The following MYH13 variants were observed in gnomAD, a reference collection of about 807,000 sequenced individuals.
MYH13 encodes the protein myosin heavy chain 13, also known as myosin-13.
MYH13 carries 177 observed loss-of-function variants against 232.1 expected under a neutral mutation model. That is an observed-to-expected ratio of 0.76 (90% CI 0.67 to 0.86). The LOEUF is 0.86. Ranked by LOEUF, MYH13 falls within the 40% of genes least tolerant of loss-of-function variation. The pLI is 0.00. For synonymous variants in MYH13, 884 were observed against 923.5 expected, an observed-to-expected ratio of 0.96 and a Z score of 0.78; for missense variants, 2,246 against 2,405.9, an observed-to-expected ratio of 0.93 and a Z score of 1.39.
intron 2 of MYH13, among the ~76,000 whole-genome samples, chr17:10,366,021 C>T (rs1031284059): frequency 3.3e-5 from 5 of 151,782 alleles, no homozygotes; most frequent in Non-Finnish European, 7.4e-5. Flanking sequence ...ATGTATTGTC[C>T]CTGCTTAGAA....
chr17:10,342,865 T>C (rs952383782), intron 16 of MYH13, among the ~76,000 whole-genome samples: 2 of 151,610 alleles, frequency 1.3e-5, no homozygotes, highest in Admixed American at 1.3e-4. Context: ...TCGAGGCGGG[T>C]GGATCACAAG....
At position 10,306,267 on chromosome 17, in the gene MYH13, TG is replaced by T. The variant is rs1906282511; in HGVS notation, c.5466+191del. On this transcript the variant is annotated intron_variant, in intron 37 of 40. Coordinates refer to ENST00000252172, the MANE Select transcript of MYH13 (RefSeq NM_003802.3). This position sits in a 1 kb window ranked among gnomAD's most constrained non-coding sequence, Gnocchi z 4.3. Reference sequence around the variant, plus strand: ...GTGTGTGTGTGTGTGTGTGTGTGTGTGTTTTGGGGCATAGGAACAGGTGAAA... The same window carrying T: ...GTGTGTGTGTGTGTGTGTGTGTGTGTTTTTGGGGCATAGGAACAGGTGAAA... Among the ~76,000 whole-genome samples, 1 of 142,798 alleles carries T rather than the reference TG, an allele frequency of 7.0e-6. No individual in the cohort carries two copies. Among genetic ancestry groups the T allele is most frequent in the Non-Finnish European group, 1.5e-5 (1 of 65,324 alleles). 93.7% of individuals were successfully genotyped at this position (142,798 alleles called of 152,430 possible).
chr17:10,329,232 AG>A (rs1907329588), intron 21 of MYH13, among the ~76,000 whole-genome samples: 1 of 152,196 alleles, frequency 6.6e-6, no homozygotes, highest in Non-Finnish European at 1.5e-5. Context: ...ACAGGGGATC[AG>A]GGAACCAGGG....
chr17:10,311,931 C>T lies in MYH13; in HGVS notation c.4511G>A (p.Arg1504Gln), dbSNP rs767062297. The T allele has an allele frequency of 2.5e-5, 40 of 1,613,898 alleles. No homozygotes were observed. Among genetic ancestry groups the T allele is most frequent in the African/African-American group, 2.1e-4 (16 of 75,014 alleles). Residue 1504 changes from arginine to glutamine, a missense_variant, in exon 32 of 41, where the codon CGA becomes CAA. Transcript: ENST00000252172. ...CTCACCTTGCAGATTTTTGTTCTCTCGCCTCAGTGTCTCTAACTGGTCCAC... is the reference window on the plus strand; with the variant it reads ...CTCACCTTGCAGATTTTTGTTCTCTTGCCTCAGTGTCTCTAACTGGTCCAC... ...EVVDQLETLRRENKNLQEEIS... is the reference protein window; with the variant it reads ...EVVDQLETLRQENKNLQEEIS...
At chr17:10,371,880 C>T (rs999979556) in intron 1 of MYH13, among the ~76,000 whole-genome samples, 2 of 152,120 alleles carry the variant, frequency 1.3e-5, no homozygotes, top group African/African-American at 4.8e-5. Flanking sequence ...TGAAAAGTCA[C>T]CTGGGACTAA....
In MYH13 at chr17:10,354,907, GCTT is replaced by G; in HGVS notation, c.886_888del (p.Lys296del). 2 of 1,600,276 alleles carry G rather than the reference GCTT, an allele frequency of 1.2e-6. No individual in the cohort carries two copies. Among genetic ancestry groups the G allele is most frequent in the Non-Finnish European group, 8.6e-7 (1 of 1,167,542 alleles). On this transcript the variant is annotated inframe_deletion, in exon 10 of 41. Coordinates refer to ENST00000252172, the MANE Select transcript of MYH13 (RefSeq NM_003802.3). ...TCCAAGAGCTTACCAATTAGTTCTG[GCTT>G]CTTGTTTGACATAATTTGGTAGAAA...
intron 5 of MYH13, among the ~76,000 whole-genome samples, chr17:10,360,519 G>T (rs2071783431): frequency 6.6e-6 from 1 of 152,154 alleles, no homozygotes; most frequent in African/African-American, 2.4e-5. Context: ...CAAGTGTCAG[G>T]TTCAGAGCTT....
At chr17:10,357,894 T>A in intron 7 of MYH13, 67 bp from the exon 8 acceptor site, 1 of 1,418,450 alleles carries the variant, frequency 7.0e-7, no homozygotes, top group Non-Finnish European at 9.9e-7. Context: ...CCTTGATGAC[T>A]AAAACGGTGG....
At chr17:10,357,301 T>G (rs757366664) in intron 8 of MYH13, among the ~76,000 whole-genome samples, 7 of 152,192 alleles carry the variant, frequency 4.6e-5, no homozygotes, top group Non-Finnish European at 8.8e-5. Flanking sequence ...CACTAGGTTT[T>G]CCCTGCTCCC....
intron 11 of MYH13, among the ~76,000 whole-genome samples, chr17:10,353,923 GGAAGGAAA>G (rs1482740202): frequency 7.7e-6 from 1 of 129,904 alleles, no homozygotes; most frequent in Admixed American, 8.4e-5. Flanking sequence ...GAGAGAGGAA[GGAAGGAAA>G]GAAGGAAGGA....
intron 27 of MYH13, among the ~76,000 whole-genome samples, chr17:10,318,229 C>T (rs1017771563): frequency 2.0e-5 from 3 of 152,114 alleles, no homozygotes; most frequent in South Asian, 2.1e-4. Context: ...GGAACAAGAG[C>T]GAAACAGTGG....
chr17:10,321,842 A>AT (rs2142233812), intron 23 of MYH13, 134 bp from the exon 24 acceptor site: 1 of 709,110 alleles, frequency 1.4e-6, no homozygotes, highest in South Asian at 2.0e-5. Flanking sequence ...ACCTCCTAGA[A>AT]TTGACAGACT....
In MYH13 at chr17:10,301,429, G is replaced by A. The variant is rs1906085461; in HGVS notation, c.5802+140C>T. On this transcript the variant is annotated intron_variant, in intron 40 of 40. Transcript: ENST00000252172. ...TCTTCCCTGGCCCCCTACATCTCAG[G>A]TACCTGCTCTTACCTGGTCCCCACA... The A allele has an allele frequency of 4.5e-6, 6 of 1,319,782 alleles. No homozygotes were observed. In the Admixed American group the frequency reaches 6.4e-5, roughly 14 times the overall value. 81.8% of individuals were successfully genotyped at this position (1,319,782 alleles called of 1,614,324 possible).
At chr17:10,312,336 T>A (rs1163998824) in intron 31 of MYH13, among the ~76,000 whole-genome samples, 1 of 152,178 alleles carries the variant, frequency 6.6e-6, no homozygotes, top group Non-Finnish European at 1.5e-5. Flanking sequence ...TTGGAGGGAC[T>A]GTCACAGTAG....
chr17:10,369,422 A>AATTTAAATATCT (rs1294130742), intron 2 of MYH13, among the ~76,000 whole-genome samples: 159 of 152,382 alleles, frequency 1.0e-3, no homozygotes, highest in African/African-American at 2.6e-3. Context: ...TAAATATCTT[A>AATTTAAATATCT]CAAATTTCTC....
chr17:10,311,321 A>G (rs1906502117), intron 32 of MYH13, 94 bp from the exon 33 acceptor site: 1 of 1,465,502 alleles, frequency 6.8e-7, no homozygotes, highest in Non-Finnish European at 9.3e-7. Flanking sequence ...CGATTCATTC[A>G]TGACATTTAT....
intron 22 of MYH13, chr17:10,324,902 C>T (rs1203590455): frequency 2.0e-5 from 3 of 152,114 alleles, no homozygotes; most frequent in Non-Finnish European, 4.4e-5. Context: ...TAGCCCACTG[C>T]ATCCTCACAC....
intron 18 of MYH13, among the ~76,000 whole-genome samples, chr17:10,334,384 T>C (rs897697908): frequency 6.6e-6 from 1 of 152,232 alleles, no homozygotes; most frequent in Non-Finnish European, 1.5e-5. Flanking sequence ...CAGCCACATG[T>C]GGCTATTTAC....
intron 31 of MYH13, 38 bp from the exon 32 acceptor site, chr17:10,312,114 C>G (rs749796220): frequency 1.2e-6 from 2 of 1,609,840 alleles, no homozygotes; most frequent in East Asian, 2.2e-5. Context: ...AAGCAGAAAG[C>G]AGGGGTGACT....
Sources: allele counts gnomAD v4.1 joint callset (sites outside exome capture counted in the v4.1 genomes callset), GRCh38; gene constraint gnomAD v4.1.1; non-coding constraint Gnocchi (gnomAD v3.1); transcripts MANE v1.5; gene names NCBI Gene and HGNC (gene_info 2026-07-23, HGNC 2026-07-21).